THADA: variants seen among roughly 807,000 people sequenced by gnomAD.
The protein encoded by THADA is tRNA (32-2'-O)-methyltransferase regulator THADA.
THADA carries 213 observed loss-of-function variants against 219.8 expected under a neutral mutation model. That is an observed-to-expected ratio of 0.97 (90% CI 0.87 to 1.09). The LOEUF (loss-of-function observed/expected upper bound fraction) is 1.09, where lower values mean the gene tolerates loss of function less well. THADA is among the 50% of genes least tolerant of loss of function. The pLI is 0.00. For missense variants in THADA, 2,956 were observed against 2,311.3 expected (o/e 1.28, Z -5.72); for synonymous variants, 1,018 against 828.9 (o/e 1.23, Z -3.92).
At chr2:43,412,369 A>T (rs1306642224) in intron 28 of THADA, among the ~76,000 whole-genome samples, 1 of 152,220 alleles carries the variant, frequency 6.6e-6, no homozygotes, top group Non-Finnish European at 1.5e-5. Context: ...TGTGAAATTC[A>T]ATACTGTTTA....
chr2:43,538,384 A>G (rs1178074254), intron 21 of THADA: 1 of 152,172 alleles, frequency 6.6e-6, no homozygotes, highest in Non-Finnish European at 1.5e-5. Context: ...CTATGAAAGA[A>G]CCTTTCATTA....
intron 30 of THADA, among the ~76,000 whole-genome samples, chr2:43,329,597 T>G (rs762789791): frequency 4.6e-5 from 7 of 152,232 alleles, no homozygotes; most frequent in Non-Finnish European, 1.0e-4. Flanking sequence ...GGAAGAAAAA[T>G]AGAAATTATC....
At chr2:43,236,905 CA>C (rs57933660) in intron 36 of THADA, among the ~76,000 whole-genome samples, 14,182 of 115,242 alleles carry the variant, frequency 0.12, 736 homozygotes, top group Admixed American at 0.16. Context: ...ACTAAAAATA[CA>C]AAAAAAAAAA....
At chr2:43,291,454 C>CAAAAAAAAAAAAAAAAAAAAAAA (rs765352765) in intron 34 of THADA, among the ~76,000 whole-genome samples, 12 of 8,094 alleles carry the variant, frequency 1.5e-3, no homozygotes, top group East Asian at 2.4e-3. Flanking sequence ...AACTCCATCT[C>CAAAAAAAAAAAAAAAAAAAAAAA]AAAAAAAAAA....
At chr2:43,355,283 T>C (rs146906936) in intron 29 of THADA, among the ~76,000 whole-genome samples, 221 of 152,318 alleles carry the variant, frequency 1.5e-3, no homozygotes, top group Admixed American at 2.9e-3. Flanking sequence ...TATGGTATTC[T>C]AGTTTTGCTT....
intron 26 of THADA, among the ~76,000 whole-genome samples, chr2:43,448,560 CTTTTTTTTTTT>C (rs71410179): frequency 2.9e-5 from 3 of 103,630 alleles, no homozygotes; most frequent in Non-Finnish European, 5.7e-5. Flanking sequence ...TTCTTCCTTT[CTTTTTTTTTTT>C]TTTTTTTTGC....
At chr2:43,429,056 T>G (rs1247560898) in intron 27 of THADA, among the ~76,000 whole-genome samples, 4 of 152,218 alleles carry the variant, frequency 2.6e-5, no homozygotes, top group Non-Finnish European at 5.9e-5. Flanking sequence ...AAAGACATGC[T>G]TTATGATGTC....
At chr2:43,264,721 A>G (rs1336714135) in intron 36 of THADA, among the ~76,000 whole-genome samples, 1 of 152,190 alleles carries the variant, frequency 6.6e-6, no homozygotes, top group Non-Finnish European at 1.5e-5. Flanking sequence ...AAAGAAGGGA[A>G]GGGAGGAGCC....
chr2:43,238,651 T>C (rs1668312340), intron 36 of THADA, among the ~76,000 whole-genome samples: 1 of 152,180 alleles, frequency 6.6e-6, no homozygotes, highest in South Asian at 2.1e-4. Context: ...ACACAAAAAC[T>C]TGTACATAAA....
rs1315302202 is a variant in THADA at position 43,231,094 on chromosome 2, T to C, written c.5716A>G (p.Ile1906Val). ...CAAGCCAAAGTCCTTTCCTCTTGAATGCGTAGTCTTGTGAACTCCACTGTC... is the reference window on the plus strand; with the variant it reads ...CAAGCCAAAGTCCTTTCCTCTTGAACGCGTAGTCTTGTGAACTCCACTGTC... ...VKTVEFTRLR[I>V]QEERTLACLR... Residue 1906 changes from isoleucine to valine, a missense_variant, in exon 38 of 38, where the codon ATT becomes GTT. Coordinates refer to ENST00000405975, the MANE Select transcript of THADA (RefSeq NM_022065.5). 3.1e-6 allele frequency: 5 copies of C among 1,613,926 alleles called. No individual in the cohort carries two copies.
In THADA at chr2:43,344,179, TG is replaced by T; in HGVS notation, c.4285del (p.Gln1429SerfsTer4). ...AACAGTGATGTCAGTCAGCTCGTGC[TG>T]GAAGTCTGAATTCGTTCCGTGTTTG... ...DSKHGTNSDF[Q>X]HELTDITVCT... On this transcript the variant is annotated frameshift_variant, in exon 30 of 38. Transcript: ENST00000405975. LOFTEE classifies it high-confidence loss of function. The T allele has an allele frequency of 4.3e-6, 7 of 1,612,896 alleles. No homozygotes were observed. The highest frequency in any genetic ancestry group is 5.1e-6 in the Non-Finnish European group (6 of 1,179,518).
intron 28 of THADA, among the ~76,000 whole-genome samples, chr2:43,416,437 A>T (rs1424254690): frequency 6.6e-6 from 1 of 152,180 alleles, no homozygotes; most frequent in Non-Finnish European, 1.5e-5. Flanking sequence ...ACAAATATAT[A>T]TTTTGTTAAT....
intron 29 of THADA, among the ~76,000 whole-genome samples, chr2:43,373,719 C>G (rs1671059162): frequency 1.3e-5 from 2 of 152,166 alleles, no homozygotes; most frequent in Non-Finnish European, 2.9e-5. Flanking sequence ...CTCATGTGAT[C>G]TGTCCACCTC....
In THADA at chr2:43,567,079, C is replaced by T. The variant is rs532992466; in HGVS notation, c.2188-258G>A. ...ATTTCTATTGTAGCCCAGACAGATA[C>T]GTACACTTTTTTTTTTTTTTTAAGA... On this transcript the variant is annotated intron_variant, in intron 14 of 37. Transcript: ENST00000405975. Among the ~76,000 whole-genome samples, 4 of 142,852 alleles carry T rather than the reference C, an allele frequency of 2.8e-5. No individual in the cohort carries two copies. The East Asian group carries it at 6.0e-4, about 21-fold the overall frequency. The allele number at this position is 142,852 out of a possible 152,430, so 93.7% of individuals were successfully genotyped here. A position where few individuals can be genotyped will look rare whatever the true frequency, so the allele number is the denominator to read the frequency against.
chr2:43,525,939 T>A (rs1295447209), intron 22 of THADA, among the ~76,000 whole-genome samples: 2 of 152,230 alleles, frequency 1.3e-5, no homozygotes, highest in African/African-American at 4.8e-5. Flanking sequence ...CTCCTTACTA[T>A]AATCTGTATT....
intron 31 of THADA, among the ~76,000 whole-genome samples, chr2:43,303,178 G>A (rs6707153): frequency 0.03 from 4,537 of 152,178 alleles, 243 homozygotes; most frequent in African/African-American, 0.1. Context: ...TGGCACTGAG[G>A]AGTGTTTTGC....
At chr2:43,281,849 A>G (rs1414919775) in intron 35 of THADA, among the ~76,000 whole-genome samples, 1 of 152,062 alleles carries the variant, frequency 6.6e-6, no homozygotes, top group Admixed American at 6.6e-5. Context: ...CTCACACTGC[A>G]GGCTCGACCT....
At chr2:43,510,010 T>G (rs1014469195) in intron 22 of THADA, among the ~76,000 whole-genome samples, 5 of 152,060 alleles carry the variant, frequency 3.3e-5, no homozygotes, top group African/African-American at 1.2e-4. Flanking sequence ...AACAACCAAA[T>G]GTAGTGTGTG....
intron 26 of THADA, among the ~76,000 whole-genome samples, chr2:43,433,980 C>T (rs757646503): frequency 1.3e-5 from 2 of 152,158 alleles, no homozygotes; most frequent in Non-Finnish European, 2.9e-5. Flanking sequence ...TGAGCCACTG[C>T]GCTCAGCCCT....
Sources: gnomAD v4.1 joint callset for allele counts (sites outside exome capture counted in the v4.1 genomes callset) on GRCh38, gnomAD v4.1.1 for gene constraint, MANE v1.5 for transcripts, NCBI Gene and HGNC (gene_info 2026-07-23, HGNC 2026-07-21) for gene names.